NAF1: variants seen among roughly 807,000 people sequenced by gnomAD.
NAF1 encodes H/ACA ribonucleoprotein complex non-core subunit NAF1.
NAF1 carries 11 observed loss-of-function variants against 40.6 expected under a neutral mutation model. The ratio of observed to expected loss-of-function variants is 0.27; its 90% CI spans 0.17 to 0.45. The LOEUF (loss-of-function observed/expected upper bound fraction) is 0.45. Among genes scored for constraint, NAF1 ranks in the 20% least tolerant of loss-of-function variants. The pLI, the probability that NAF1 is intolerant of heterozygous loss-of-function variation, is 1.00. For synonymous variants in NAF1, 260 were observed against 228.5 expected (o/e 1.14, Z -1.24); for missense variants, 607 against 611.1 (o/e 0.99, Z 0.07).
chr4:163,164,422 TC>T, intron 1 of NAF1, 31 bp from the exon 2 acceptor site: 1 of 1,428,000 alleles, frequency 7.0e-7, no homozygotes, highest in Non-Finnish European at 9.3e-7. Context: ...AAAAAAATAG[TC>T]CAGTATTATT....
chr4:163,165,486 T>G (rs1732415041), intron 1 of NAF1, among the ~76,000 whole-genome samples: 1 of 152,206 alleles, frequency 6.6e-6, no homozygotes, highest in Non-Finnish European at 1.5e-5. Flanking sequence ...ATCTTAGTAC[T>G]GCCAAGAAAT....
intron 2 of NAF1, among the ~76,000 whole-genome samples, chr4:163,112,923 T>G (rs1016178273): frequency 1.3e-5 from 2 of 152,172 alleles, no homozygotes; most frequent in Admixed American, 1.3e-4. Flanking sequence ...TAAGGCTCCC[T>G]TTTAGGTTTG....
chr4:163,164,435 T>C (rs777444032), intron 1 of NAF1, 44 bp from the exon 2 acceptor site: 3 of 1,292,042 alleles, frequency 2.3e-6, no homozygotes, highest in Non-Finnish European at 3.1e-6. Context: ...AGTATTATTA[T>C]ACTAATATTA....
intron 4 of NAF1, chr4:163,144,002 G>T (rs1325764424): frequency 2.1e-6 from 2 of 974,304 alleles, no homozygotes; most frequent in Non-Finnish European, 2.4e-6. Context: ...GAACTGAGGG[G>T]GTGGGGAACA....
chr4:163,141,522 T>A (rs919872253), intron 4 of NAF1, among the ~76,000 whole-genome samples: 45 of 152,326 alleles, frequency 3.0e-4, no homozygotes, highest in African/African-American at 1.0e-3. Context: ...TTTGTAAGTA[T>A]AATTTTAGCT....
At chr4:163,161,931 C>A (rs1299763172) in intron 2 of NAF1, among the ~76,000 whole-genome samples, 3 of 152,122 alleles carry the variant, frequency 2.0e-5, no homozygotes, top group Non-Finnish European at 4.4e-5. Flanking sequence ...GTTACGCACT[C>A]CCACCCTCTC....
chr4:163,148,405 A>G lies in NAF1; in HGVS notation c.570T>C (p.Ile190=). Reference sequence around the variant, plus strand: ...TTAACTCAATATCTTCAGGCAGAATAATAGTGAGTTCTTCAACAGAAGGCA... The same window carrying G: ...TTAACTCAATATCTTCAGGCAGAATGATAGTGAGTTCTTCAACAGAAGGCA... The part of the protein sequence containing the change: ...NELPSVEELT[I]ILPEDIELKP... The change falls in exon 3 of 8, where the codon ATT becomes ATC. Residue 190 remains isoleucine (I), a synonymous_variant. Coordinates refer to ENST00000274054, the MANE Select transcript of NAF1 (RefSeq NM_138386.3). The G allele has an allele frequency of 6.3e-7, 1 of 1,585,432 alleles. No individual in the cohort carries two copies. Among genetic ancestry groups the G allele is most frequent in the Non-Finnish European group, 8.5e-7 (1 of 1,170,810 alleles).
At chr4:163,129,448 T>C in intron 7 of NAF1, 100 bp from the exon 8 acceptor site, 2 of 1,229,198 alleles carry the variant, frequency 1.6e-6, no homozygotes, top group South Asian at 3.2e-5. Flanking sequence ...ATCCAGTATA[T>C]CTTGTGGCAG....
intron 2 of NAF1, among the ~76,000 whole-genome samples, chr4:163,151,021 G>A (rs1348866096): frequency 1.3e-5 from 2 of 151,688 alleles, no homozygotes; most frequent in Non-Finnish European, 2.9e-5. Flanking sequence ...ATCCTTGCAT[G>A]TATCCTGGCC....
intron 2 of NAF1, among the ~76,000 whole-genome samples, chr4:163,117,277 T>C (rs1203223720): frequency 6.6e-6 from 1 of 152,224 alleles, no homozygotes; most frequent in Non-Finnish European, 1.5e-5. Flanking sequence ...AAACATATAC[T>C]TGTATTATAG....
At chr4:163,137,487 A>AT (rs2110918990) in intron 5 of NAF1, among the ~76,000 whole-genome samples, 1 of 152,282 alleles carries the variant, frequency 6.6e-6, no homozygotes, top group African/African-American at 2.4e-5. Flanking sequence ...AGCCAAGGCT[A>AT]TGGTGTGCAG....
chr4:163,110,504 G>T (rs1380154894), intron 2 of NAF1, among the ~76,000 whole-genome samples: 1 of 152,108 alleles, frequency 6.6e-6, no homozygotes, highest in Non-Finnish European at 1.5e-5. Context: ...TGTGATTTCA[G>T]GCATCCGCTG....
intron 7 of NAF1, among the ~76,000 whole-genome samples, chr4:163,131,606 T>A (rs1055043118): frequency 6.6e-6 from 1 of 152,148 alleles, no homozygotes; most frequent in African/African-American, 2.4e-5. Flanking sequence ...ATCACAAGTG[T>A]ACAATTTAAA....
chr4:163,143,447 G>A (rs1034748903), intron 4 of NAF1, among the ~76,000 whole-genome samples: 1 of 152,164 alleles, frequency 6.6e-6, no homozygotes, highest in African/African-American at 2.4e-5. Context: ...TTTCAGCGGC[G>A]TAGAAGGCCT....
intron 2 of NAF1, chr4:163,158,137 T>C (rs1025844142): frequency 7.2e-5 from 11 of 152,070 alleles, no homozygotes; most frequent in African/African-American, 2.4e-4. Flanking sequence ...TTGGGGAGAA[T>C]TGAGAAAAGT....
the NAF1 span, among the ~76,000 whole-genome samples, chr4:163,104,186 C>T: frequency 8.8e-4 from 134 of 151,872 alleles, no homozygotes; most frequent in African/African-American, 1.3e-3. Flanking sequence ...ATCACAATGG[C>T]GCAATGTCAT....
downstream of NAF1, among the ~76,000 whole-genome samples, chr4:163,108,399 T>C (rs926022574): frequency 6.6e-6 from 1 of 152,232 alleles, no homozygotes; most frequent in Non-Finnish European, 1.5e-5. Flanking sequence ...CATGTTTCTT[T>C]TGAAGCCTCC....
downstream of NAF1, among the ~76,000 whole-genome samples, chr4:163,122,340 C>A (rs187872290): frequency 1.0e-3 from 152 of 151,966 alleles, 7 homozygotes; most frequent in East Asian, 0.026. Context: ...ACAAAAAATG[C>A]AGAACAAAAA....
At chr4:163,119,819 G>A (rs2110834332) in intron 2 of NAF1, 1 of 152,268 alleles carries the variant, frequency 6.6e-6, no homozygotes, top group South Asian at 2.1e-4. Context: ...CTACACAACA[G>A]CAATTTGATA....
Sources: allele counts gnomAD v4.1 joint callset (sites outside exome capture counted in the v4.1 genomes callset), GRCh38; gene constraint gnomAD v4.1.1; transcripts MANE v1.5; gene names NCBI Gene and HGNC (gene_info 2026-07-23, HGNC 2026-07-21).